ZNF394: variants seen among roughly 807,000 people sequenced by gnomAD.
ZNF394 encodes the protein zinc finger protein 394.
ZNF394 carries 19 observed loss-of-function variants against 21.8 expected under a neutral mutation model. The ratio of observed to expected loss-of-function variants is 0.87; its 90% CI spans 0.61 to 1.28. The LOEUF (loss-of-function observed/expected upper bound fraction) is 1.28, where lower values mean the gene tolerates loss of function less well. Among genes scored for constraint, ZNF394 ranks in the 50% most tolerant of loss-of-function variants. The probability of loss-of-function intolerance (pLI) is 0.00; values close to 1 mark genes in which losing one functional copy is unlikely to be tolerated. For missense variants in ZNF394, 683 were observed against 708.6 expected, an observed-to-expected ratio of 0.96 and a Z score of 0.41; for synonymous variants, 294 against 273.3, an observed-to-expected ratio of 1.08 and a Z score of -0.75.
downstream of ZNF394, among the ~76,000 whole-genome samples, chr7:99,488,274 T>G (rs1800075350): frequency 6.6e-6 from 1 of 150,980 alleles, no homozygotes; most frequent in Non-Finnish European, 1.5e-5. Flanking sequence ...TGGTGTCGCA[T>G]GTCTGTAATC....
In ZNF394 at chr7:99,497,470, G is replaced by A. The variant is rs984372658; in HGVS notation, c.583+1246C>T. On this transcript the variant is annotated intron_variant, in intron 2 of 2. Coordinates refer to ENST00000337673, the MANE Select transcript of ZNF394 (RefSeq NM_032164.4). ...GCTGGGATTACAGGCGTGAGCCACCGTGCCTGGCCTATAATGTTTTTCCTT... is the reference window on the plus strand; with the variant it reads ...GCTGGGATTACAGGCGTGAGCCACCATGCCTGGCCTATAATGTTTTTCCTT... Among the ~76,000 whole-genome samples, 6 of 151,376 alleles carry A rather than the reference G, an allele frequency of 4.0e-5. No homozygotes were observed. In the East Asian group the frequency reaches 9.9e-4, roughly 25 times the overall value.
intron 1 of ZNF394, among the ~76,000 whole-genome samples, chr7:99,487,752 G>T: frequency 6.6e-6 from 1 of 151,406 alleles, no homozygotes; most frequent in South Asian, 2.1e-4. Flanking sequence ...AAGAAGGCTG[G>T]GTGACAGAGT....
chr7:99,486,830 G>A (rs777414066), exon 2 of ZNF394: 3 of 1,614,196 alleles, frequency 1.9e-6, no homozygotes, highest in Non-Finnish European at 2.5e-6. Flanking sequence ...AGTGAATGTG[G>A]AAAAGTCATT....
chr7:99,487,752 G>A (rs1177992202), intron 1 of ZNF394, among the ~76,000 whole-genome samples: 3 of 151,406 alleles, frequency 2.0e-5, no homozygotes, highest in African/African-American at 4.8e-5. Flanking sequence ...AAGAAGGCTG[G>A]GTGACAGAGT....
chr7:99,490,545 C>T (rs900399414), downstream of ZNF394, among the ~76,000 whole-genome samples: 14 of 151,120 alleles, frequency 9.3e-5, no homozygotes, highest in African/African-American at 2.9e-4. Context: ...GTGGAAGGAT[C>T]GCTTAAGCCC....
rs750731607 is a variant in ZNF394 at position 99,498,747 on chromosome 7, C to A, written c.552G>T (p.Ala184=). ...GAACTGTGCTCCCGGAATCCTTCTG[C>A]GCACTCTCTCTGCAGAAGTCCCTCC... ...PARRDFCRES[A]QKDSGSTVPP... The change falls in exon 2 of 3, where the codon GCG becomes GCT. Residue 184 remains alanine, a synonymous_variant. Coordinates refer to ENST00000337673, the MANE Select transcript of ZNF394 (RefSeq NM_032164.4). 2 of 1,614,056 alleles carry A rather than the reference C, an allele frequency of 1.2e-6. No homozygotes were observed. Among genetic ancestry groups the A allele is most frequent in the East Asian group, 4.5e-5 (2 of 44,874 alleles).
At chr7:99,495,654 C>G (rs1004270826) in intron 2 of ZNF394, among the ~76,000 whole-genome samples, 1 of 143,498 alleles carries the variant, frequency 7.0e-6, no homozygotes, top group Non-Finnish European at 1.5e-5. Context: ...GAGTTTCGCT[C>G]TTGTTGCCAA....
Position 99,494,624 on chromosome 7 carries a change from T to C in ZNF394, c.591A>G (p.Glu197=). ...DSGSTVPPSL[E]SRVENKELIP... is the part of the protein sequence containing the mutation. ...TCAACTCTTTGTTCTCCACTCTGCT[T>C]TCCAAACCTGAAACGTGAAAATACA... Residue 197 remains glutamate, a synonymous_variant, in exon 3 of 3, where the codon GAA becomes GAG. Coordinates refer to ENST00000337673, the MANE Select transcript of ZNF394 (RefSeq NM_032164.4). The C allele has an allele frequency of 6.3e-7, 1 of 1,579,784 alleles. No individual in the cohort carries two copies. The highest frequency in any genetic ancestry group is 1.4e-5 in the African/African-American group (1 of 73,262).
At chr7:99,497,691 C>A (rs1381575996) in intron 2 of ZNF394, among the ~76,000 whole-genome samples, 1 of 151,876 alleles carries the variant, frequency 6.6e-6, no homozygotes, top group East Asian at 1.9e-4. Context: ...TGGTGAAACC[C>A]CATCTCTACT....
intron 1 of ZNF394, chr7:99,487,366 C>T: frequency 6.8e-6 from 11 of 1,614,166 alleles, no homozygotes; most frequent in South Asian, 1.1e-5. Context: ...GAATCTTTTT[C>T]GACATCAGGT....
chr7:99,498,558 C>G, intron 2 of ZNF394, 158 bp downstream of exon 2: 1 of 943,758 alleles, frequency 1.1e-6, no homozygotes, highest in Non-Finnish European at 1.5e-6. Flanking sequence ...AAAGCTGAAT[C>G]TAGCACCTAG....
chr7:99,494,009 G>C lies in ZNF394; in HGVS notation c.1206C>G (p.Thr402=). 1 of 1,613,974 alleles carries C rather than the reference G, an allele frequency of 6.2e-7. No individual in the cohort carries two copies. Among genetic ancestry groups the C allele is most frequent in the South Asian group, 1.1e-5 (1 of 91,062 alleles). The part of the protein sequence containing the change: ...GKSFSQSAAL[T]KHQRTHTGEK... ...CGCCTGTGTGTGTCCTCTGGTGCTT[G>C]GTCAGGGCAGCACTCTGGCTGAAGC... Residue 402 remains threonine, a synonymous_variant, in exon 3 of 3, where the codon ACC becomes ACG. Coordinates refer to ENST00000337673, the MANE Select transcript of ZNF394 (RefSeq NM_032164.4).
intron 2 of ZNF394, chr7:99,498,436 T>C (rs1032228027): frequency 3.3e-6 from 1 of 301,552 alleles, no homozygotes; most frequent in Non-Finnish European, 6.3e-6. Flanking sequence ...CTTGGCAATA[T>C]GGCCAAGTAT....
chr7:99,494,230 G>A lies in ZNF394; in HGVS notation c.985C>T (p.Leu329=). The A allele has an allele frequency of 6.2e-7, 1 of 1,614,256 alleles. No individual in the cohort carries two copies. The highest frequency in any genetic ancestry group is 8.5e-7 in the Non-Finnish European group (1 of 1,180,046). Residue 329 remains leucine, a synonymous_variant, in exon 3 of 3, where the codon CTG becomes TTG. Transcript: ENST00000337673. ...CCACTGTCAGACTTGTGAGGTTTCA[G>A]CACGTGCCACGTCACCATGTGGAAA... is the stretch of plus-strand genomic sequence containing the variant. ...QSFHMVTWHV[L]KPHKSDSGDS...
chr7:99,494,248 T>A lies in ZNF394; in HGVS notation c.967A>T (p.Met323Leu). 6.2e-7 allele frequency: 1 copy of A among 1,614,288 alleles called. No individual in the cohort carries two copies. The highest frequency in any genetic ancestry group is 8.5e-7 in the Non-Finnish European group (1 of 1,180,056). Reference protein sequence around the residue: ...HGNKCKQSFHMVTWHVLKPHK... With the variant: ...HGNKCKQSFHLVTWHVLKPHK... ...GGTTTCAGCACGTGCCACGTCACCATGTGGAAACTTTGCTTGCACTTGTTC... is the reference window on the plus strand; with the variant it reads ...GGTTTCAGCACGTGCCACGTCACCAAGTGGAAACTTTGCTTGCACTTGTTC... Residue 323 changes from methionine to leucine, a missense_variant, in exon 3 of 3, where the codon ATG (methionine) becomes TTG (leucine). Met to Leu is a conservative substitution (Grantham distance 15, BLOSUM62 2). Transcript: ENST00000337673.
At chr7:99,498,553 T>A (rs1800408395) in intron 2 of ZNF394, 163 bp downstream of exon 2, 1 of 893,388 alleles carries the variant, frequency 1.1e-6, no homozygotes, top group African/African-American at 1.7e-5. Context: ...AGTAAAAAGC[T>A]GAATCTAGCA....
intron 2 of ZNF394, among the ~76,000 whole-genome samples, chr7:99,495,579 C>A (rs1800277687): frequency 6.6e-6 from 1 of 151,668 alleles, no homozygotes; most frequent in African/African-American, 2.4e-5. Context: ...CCCCCCTCGG[C>A]CTTGCAAAGT....
chr7:99,494,602 ACT>A lies in ZNF394; in HGVS notation c.611_612del (p.Glu204ValfsTer30), dbSNP rs1453985771. The part of the protein sequence containing the change: ...PSLESRVENK[E>X]LIPMQQILEE... ...TCTAAAATTTGTTGCATTGGAATCAACTCTTTGTTCTCCACTCTGCTTTCCAA... is the reference window on the plus strand; with the variant it reads ...TCTAAAATTTGTTGCATTGGAATCAACTTTGTTCTCCACTCTGCTTTCCAA... On this transcript the variant is annotated frameshift_variant, in exon 3 of 3. Transcript: ENST00000337673. LOFTEE classifies it low-confidence loss of function (END_TRUNC). 5.0e-6 allele frequency: 8 copies of A among 1,601,692 alleles called. No homozygotes were observed. Among genetic ancestry groups the A allele is most frequent in the Non-Finnish European group, 6.0e-6 (7 of 1,175,654 alleles).
At chr7:99,496,365 A>T (rs964582163) in intron 2 of ZNF394, among the ~76,000 whole-genome samples, 1 of 151,122 alleles carries the variant, frequency 6.6e-6, no homozygotes, top group Admixed American at 6.6e-5. Flanking sequence ...ACAAGGGAGC[A>T]ATTTGAGCAA....
Sources: allele counts gnomAD v4.1 joint callset (sites outside exome capture counted in the v4.1 genomes callset), GRCh38; gene constraint gnomAD v4.1.1; transcripts MANE v1.5; gene names NCBI Gene and HGNC (gene_info 2026-07-23, HGNC 2026-07-21).